The following CNTNAP2 variants were observed in gnomAD, a reference collection of about 807,000 sequenced individuals.
The protein encoded by CNTNAP2 is contactin associated protein 2.
A neutral mutation model predicts 155.2 loss-of-function variants in CNTNAP2; 98 were observed. The ratio of observed to expected loss-of-function variants is 0.63; its 90% CI spans 0.54 to 0.75. The LOEUF is 0.75. Among genes scored for constraint, CNTNAP2 ranks in the 30% least tolerant of loss-of-function variants. CNTNAP2 has a pLI of 0.00. For synonymous variants in CNTNAP2, 651 were observed against 631.2 expected, an observed-to-expected ratio of 1.03 and a Z score of -0.47; for missense variants, 1,727 against 1,688.1, an observed-to-expected ratio of 1.02 and a Z score of -0.40.
intron 8 of CNTNAP2, among the ~76,000 whole-genome samples, chr7:147,180,520 G>T (rs1802433801): frequency 6.6e-6 from 1 of 151,652 alleles, no homozygotes; most frequent in Non-Finnish European, 1.5e-5. Flanking sequence ...TAAAATAGAA[G>T]AAACAAGCCA....
intron 1 of CNTNAP2, among the ~76,000 whole-genome samples, chr7:146,691,711 G>T (rs760121486): frequency 6.4e-4 from 98 of 152,106 alleles, no homozygotes; most frequent in Non-Finnish European, 9.7e-4. Flanking sequence ...AGCCAGGTTC[G>T]TAATTCTACC....
chr7:147,751,464 C>G (rs16883683), intron 13 of CNTNAP2, among the ~76,000 whole-genome samples: 1 of 90,450 alleles, frequency 1.1e-5, no homozygotes, highest in Non-Finnish European at 2.6e-5. Flanking sequence ...TTTGTTCAAG[C>G]TCAAGATATA....
intron 21 of CNTNAP2, chr7:148,339,686 T>G (rs1019015953): frequency 6.6e-6 from 1 of 152,308 alleles, no homozygotes; most frequent in African/African-American, 2.4e-5. Flanking sequence ...CCGGTGCAAG[T>G]GTTGCAAGGG....
intron 13 of CNTNAP2, among the ~76,000 whole-genome samples, chr7:147,811,087 G>T (rs532836939): frequency 6.6e-6 from 1 of 150,526 alleles, no homozygotes; most frequent in Non-Finnish European, 1.5e-5. Flanking sequence ...TATACCTTTG[G>T]GGGTTGTGTT....
intron 5 of CNTNAP2, among the ~76,000 whole-genome samples, chr7:147,113,582 C>T (rs1275561870): frequency 6.6e-6 from 1 of 151,970 alleles, no homozygotes; most frequent in Non-Finnish European, 1.5e-5. Context: ...AGAGTGAAGT[C>T]GGGGAAAGCC....
intron 13 of CNTNAP2, among the ~76,000 whole-genome samples, chr7:147,737,816 G>A (rs1240882148): frequency 6.6e-6 from 1 of 152,224 alleles, no homozygotes; most frequent in East Asian, 1.9e-4. Context: ...GACCCTCTGA[G>A]CCAGGTGCGG....
chr7:146,212,388 T>G (rs1163323743), intron 1 of CNTNAP2, among the ~76,000 whole-genome samples: 1 of 152,154 alleles, frequency 6.6e-6, no homozygotes, highest in East Asian at 1.9e-4. Context: ...GGGAGTCTGG[T>G]GTGTCCCTGT....
At chr7:146,877,081 C>T (rs1240082215) in intron 3 of CNTNAP2, among the ~76,000 whole-genome samples, 2 of 152,092 alleles carry the variant, frequency 1.3e-5, no homozygotes, top group African/African-American at 2.4e-5. Context: ...GTGTCTTTCT[C>T]ATTATGTGCT....
intron 8 of CNTNAP2, among the ~76,000 whole-genome samples, chr7:147,268,551 C>A (rs1804669174): frequency 6.6e-6 from 1 of 152,050 alleles, no homozygotes; most frequent in Admixed American, 6.6e-5. Flanking sequence ...AGGAGAAATA[C>A]CTAATGTAGA....
chr7:148,043,188 A>T (rs761638555), intron 15 of CNTNAP2, among the ~76,000 whole-genome samples: 5 of 152,214 alleles, frequency 3.3e-5, no homozygotes, highest in South Asian at 4.1e-4. Flanking sequence ...ATATGTTGCT[A>T]AACCACTTTA....
chr7:146,381,378 A>G (rs2129104984), intron 1 of CNTNAP2, among the ~76,000 whole-genome samples: 1 of 152,312 alleles, frequency 6.6e-6, no homozygotes, highest in South Asian at 2.1e-4. Context: ...TCTTTTTTAA[A>G]TTGGATGAGA....
intron 8 of CNTNAP2, among the ~76,000 whole-genome samples, chr7:147,168,947 A>T (rs1802174630): frequency 6.6e-6 from 1 of 152,180 alleles, no homozygotes; most frequent in Admixed American, 6.5e-5. Context: ...CAATAAGATA[A>T]ATCAGTGCCT....
chr7:147,905,906 C>CA lies in CNTNAP2; in HGVS notation c.2255+2188dup, dbSNP rs1477048277. Among the ~76,000 whole-genome samples the CA allele has an allele frequency of 4.9e-5, 7 of 143,378 alleles. No homozygotes were observed. In the East Asian group the frequency reaches 6.5e-4, roughly 13 times the overall value. The allele number at this position is 143,378 out of a possible 152,430, so 94.1% of individuals were successfully genotyped here. On this transcript the variant is annotated intron_variant, in intron 14 of 23. Coordinates refer to ENST00000361727, the MANE Select transcript of CNTNAP2 (RefSeq NM_014141.6). The stretch of plus-strand genomic sequence containing the variant: ...AACTCCATCTCAAAAAACAAACAAA[C>CA]AAACAAACAAAAAAAAACTGATGGA...
intron 20 of CNTNAP2, among the ~76,000 whole-genome samples, chr7:148,247,625 CTATT>C (rs71527888): frequency 0.27 from 28,336 of 103,762 alleles, 3,695 homozygotes; most frequent in Non-Finnish European, 0.29. Flanking sequence ...CTCTCTCTCT[CTATT>C]TATTTATTTA....
At chr7:148,223,220 A>C (rs541565721) in intron 19 of CNTNAP2, among the ~76,000 whole-genome samples, 185 of 151,910 alleles carry the variant, frequency 1.2e-3, no homozygotes, top group African/African-American at 4.3e-3. Context: ...ATCAAGTCCC[A>C]CCTCCTTTTG....
At chr7:147,692,000 C>T (rs1796093827) in intron 13 of CNTNAP2, among the ~76,000 whole-genome samples, 1 of 152,110 alleles carries the variant, frequency 6.6e-6, no homozygotes, top group Admixed American at 6.6e-5. Flanking sequence ...CCTAAAAGTC[C>T]TCTGCTCTGG....
chr7:148,266,989 G>T, intron 20 of CNTNAP2, 44 bp from the exon 21 acceptor site: 2 of 1,568,022 alleles, frequency 1.3e-6, no homozygotes, highest in East Asian at 4.5e-5. Flanking sequence ...TCCACACAGG[G>T]TAGAGACGTG....
chr7:146,422,854 T>C (rs769769482), intron 1 of CNTNAP2, among the ~76,000 whole-genome samples: 5 of 152,092 alleles, frequency 3.3e-5, no homozygotes, highest in Non-Finnish European at 7.4e-5. Flanking sequence ...ACTTATACTT[T>C]AGCAAAAAAT....
At chr7:147,065,161 C>T (rs562016087) in intron 4 of CNTNAP2, among the ~76,000 whole-genome samples, 4 of 152,226 alleles carry the variant, frequency 2.6e-5, no homozygotes, top group Non-Finnish European at 2.9e-5. Context: ...TTAAGCAAGT[C>T]ATTGACCTTT....
Sources: gnomAD v4.1 joint callset for allele counts (sites outside exome capture counted in the v4.1 genomes callset) on GRCh38, gnomAD v4.1.1 for gene constraint, MANE v1.5 for transcripts, NCBI Gene and HGNC (gene_info 2026-07-23, HGNC 2026-07-21) for gene names.